FNDC3B: variants seen among roughly 807,000 people sequenced by gnomAD.
The protein encoded by FNDC3B is fibronectin type III domain-containing protein 3B.
FNDC3B carries 12 observed loss-of-function variants against 151.5 expected under a neutral mutation model. The ratio of observed to expected loss-of-function variants is 0.08; its 90% CI spans 0.05 to 0.13. The LOEUF (loss-of-function observed/expected upper bound fraction) is 0.13, where lower values mean the gene tolerates loss of function less well. FNDC3B is among the 10% of genes least tolerant of loss of function. FNDC3B has a pLI of 1.00. For missense variants in FNDC3B, 1,214 were observed against 1,505.3 expected (o/e 0.81, Z 3.20); for synonymous variants, 528 against 549.0 (o/e 0.96, Z 0.54).
chr3:172,329,317 A>T (rs1732517753), intron 12 of FNDC3B: 1 of 409,094 alleles, frequency 2.4e-6, no homozygotes, highest in East Asian at 3.6e-5. Context: ...CTAAGAACCA[A>T]GGTGAAGGTA....
At chr3:172,247,483 C>T (rs766608851) in intron 4 of FNDC3B, 50 bp from the exon 5 acceptor site, 5 of 1,574,644 alleles carry the variant, frequency 3.2e-6, no homozygotes, top group Admixed American at 1.8e-5. Context: ...TATATATATT[C>T]ATAGGCTGCT....
chr3:172,338,885 C>A (rs914315674), intron 16 of FNDC3B, among the ~76,000 whole-genome samples: 1 of 152,058 alleles, frequency 6.6e-6, no homozygotes. Flanking sequence ...TACAGACGCC[C>A]ACCACTAGGC....
intron 4 of FNDC3B, among the ~76,000 whole-genome samples, chr3:172,246,977 T>C (rs1388848432): frequency 6.6e-6 from 1 of 152,186 alleles, no homozygotes; most frequent in Admixed American, 6.5e-5. Flanking sequence ...CTAGATTAAG[T>C]AATCTTAGGG....
At chr3:172,348,190 T>C (rs1045807238) in intron 21 of FNDC3B, among the ~76,000 whole-genome samples, 6 of 152,162 alleles carry the variant, frequency 3.9e-5, no homozygotes, top group Admixed American at 3.3e-4. Flanking sequence ...TTTGAATAGA[T>C]AAAGAAGCAA....
At chr3:172,061,398 A>G (rs1205915660) in intron 1 of FNDC3B, among the ~76,000 whole-genome samples, 2 of 150,568 alleles carry the variant, frequency 1.3e-5, no homozygotes, top group East Asian at 2.0e-4. Context: ...AAGCCCGGCT[A>G]TTTTTTTTTA....
chr3:172,103,932 T>C (rs1719501024), intron 1 of FNDC3B, among the ~76,000 whole-genome samples: 1 of 152,150 alleles, frequency 6.6e-6, no homozygotes, highest in Non-Finnish European at 1.5e-5. Flanking sequence ...CATGAACAAT[T>C]ATCACCACTC....
chr3:172,218,914 A>G (rs1203069952), intron 3 of FNDC3B, among the ~76,000 whole-genome samples: 1 of 152,190 alleles, frequency 6.6e-6, no homozygotes, highest in Non-Finnish European at 1.5e-5. Flanking sequence ...CTTCTGTGTG[A>G]AAATAACACC....
At chr3:172,246,444 T>C (rs1433969651) in intron 4 of FNDC3B, among the ~76,000 whole-genome samples, 1 of 152,228 alleles carries the variant, frequency 6.6e-6, no homozygotes, top group Non-Finnish European at 1.5e-5. Context: ...CTTTACCTTT[T>C]CATCATGGTA....
At chr3:172,257,569 TACACACACACACACAC>T (rs10582558) in intron 6 of FNDC3B, among the ~76,000 whole-genome samples, 3,068 of 143,866 alleles carry the variant, frequency 0.021, 50 homozygotes, top group Middle Eastern at 0.061. Flanking sequence ...CACGCATTCA[TACACACACACACACAC>T]ACACACACAC....
At chr3:172,283,213 C>G (rs142334859) in intron 6 of FNDC3B, among the ~76,000 whole-genome samples, 1 of 152,162 alleles carries the variant, frequency 6.6e-6, no homozygotes, top group African/African-American at 2.4e-5. Context: ...ACCTGAAACT[C>G]ATTTTTTTTG....
rs149253348 is a variant in FNDC3B at position 172,101,321 on chromosome 3, G to C, written c.-28-11131G>C. On this transcript the variant is annotated intron_variant, in intron 1 of 25. Transcript: ENST00000415807. ...GCATGGAGGTCTGTTGACTTTGTGT[G>C]GTATTTCGTCAGAAGTGTCCAATGC... Among the ~76,000 whole-genome samples the C allele has an allele frequency of 2.9e-3, 443 of 152,264 alleles. 1 individual carries two copies. The highest frequency in any genetic ancestry group is 0.01 in the African/African-American group (429 of 41,554).
At chr3:172,385,392 G>A (rs1445961515) in intron 25 of FNDC3B, among the ~76,000 whole-genome samples, 1 of 152,026 alleles carries the variant, frequency 6.6e-6, no homozygotes, top group African/African-American at 2.4e-5. Flanking sequence ...TATTTTTCCA[G>A]TACTGGCATA....
Position 172,321,610 on chromosome 3 carries a change from G to A in FNDC3B, c.1255-7342G>A, listed in dbSNP as rs9816796. The A allele has an allele frequency of 6.8e-3, 1,298 of 190,736 alleles. 26 individuals carry two copies. Among genetic ancestry groups the A allele is most frequent in the African/African-American group, 0.029 (1,224 of 42,194 alleles). 11.8% of individuals were successfully genotyped at this position (190,736 alleles called of 1,614,324 possible). A position where few individuals can be genotyped will look rare whatever the true frequency, so the allele number is the denominator to read the frequency against. ...GGCTGGAGTGCAGTGGCACAGTCTCGGCTCACTACAGCGTCTGCCTCCCGG... is the reference window on the plus strand; with the variant it reads ...GGCTGGAGTGCAGTGGCACAGTCTCAGCTCACTACAGCGTCTGCCTCCCGG... On this transcript the variant is annotated intron_variant, in intron 11 of 25. Coordinates refer to ENST00000415807, the MANE Select transcript of FNDC3B (RefSeq NM_022763.4).
intron 2 of FNDC3B, among the ~76,000 whole-genome samples, chr3:172,118,422 ACTC>A (rs1720369827): frequency 2.0e-5 from 3 of 152,294 alleles, no homozygotes; most frequent in South Asian, 4.1e-4. Flanking sequence ...GAGTTTGTCT[ACTC>A]CTCAGAAATC....
intron 3 of FNDC3B, among the ~76,000 whole-genome samples, chr3:172,145,418 C>T (rs1013765681): frequency 1.3e-5 from 2 of 152,148 alleles, no homozygotes; most frequent in African/African-American, 2.4e-5. Context: ...TTTCCTGTTT[C>T]GTTTTGCAGT....
At chr3:172,154,703 A>G (rs1043359895) in intron 3 of FNDC3B, among the ~76,000 whole-genome samples, 1 of 152,190 alleles carries the variant, frequency 6.6e-6, no homozygotes, top group Admixed American at 6.5e-5. Context: ...TTGAGAAACC[A>G]CTGATGAAAT....
intron 11 of FNDC3B, among the ~76,000 whole-genome samples, chr3:172,311,857 G>A (rs1275335605): frequency 6.0e-5 from 9 of 150,066 alleles, no homozygotes; most frequent in African/African-American, 1.7e-4. Context: ...TAGCCTGGGC[G>A]ACAGAGCAAG....
chr3:172,078,223 G>A (rs1414072511), intron 1 of FNDC3B, among the ~76,000 whole-genome samples: 1 of 152,142 alleles, frequency 6.6e-6, no homozygotes, highest in Admixed American at 6.5e-5. Flanking sequence ...CAGGTGATCC[G>A]CTTGCCTTGG....
chr3:172,171,256 C>CT (rs531370502), intron 3 of FNDC3B, among the ~76,000 whole-genome samples: 53 of 152,242 alleles, frequency 3.5e-4, no homozygotes, highest in African/African-American at 1.1e-3. Flanking sequence ...CTGATGGAGA[C>CT]TTTAAAAACA....
Sources: gnomAD v4.1 joint callset for allele counts (sites outside exome capture counted in the v4.1 genomes callset) on GRCh38, gnomAD v4.1.1 for gene constraint, MANE v1.5 for transcripts, NCBI Gene and HGNC (gene_info 2026-07-23, HGNC 2026-07-21) for gene names.